DLG2: variants seen among roughly 807,000 people sequenced by gnomAD.
The protein encoded by DLG2 is disks large homolog 2.
DLG2 carries 45 observed loss-of-function variants against 132.5 expected under a neutral mutation model. The observed-to-expected ratio is 0.34, with a 90% CI of 0.27 to 0.44. The LOEUF (loss-of-function observed/expected upper bound fraction) is 0.44. DLG2 is among the 20% of genes least tolerant of loss of function. The pLI, the probability that DLG2 is intolerant of heterozygous loss-of-function variation, is 1.00. For missense variants in DLG2, 1,045 were observed against 1,196.9 expected (o/e 0.87, Z 1.87); for synonymous variants, 424 against 419.6 (o/e 1.01, Z -0.13).
chr11:85,167,816 G>T (rs745953616), intron 4 of DLG2, among the ~76,000 whole-genome samples: 7 of 152,018 alleles, frequency 4.6e-5, no homozygotes, highest in Non-Finnish European at 8.8e-5. Flanking sequence ...CTTAGCCATG[G>T]ACCTAGCAAT....
At chr11:85,490,965 A>C (rs947255162) in intron 3 of DLG2, among the ~76,000 whole-genome samples, 3 of 152,156 alleles carry the variant, frequency 2.0e-5, no homozygotes, top group African/African-American at 7.2e-5. Flanking sequence ...ACAAGGATAC[A>C]ACAAAAAAGA....
intron 7 of DLG2, among the ~76,000 whole-genome samples, chr11:84,421,510 G>A (rs1045272623): frequency 2.6e-5 from 4 of 152,052 alleles, no homozygotes; most frequent in African/African-American, 7.2e-5. Flanking sequence ...TACTGTAAAC[G>A]TCTCCTAAAG....
chr11:83,566,078 C>T (rs1593326257), intron 19 of DLG2, among the ~76,000 whole-genome samples: 1 of 152,144 alleles, frequency 6.6e-6, no homozygotes, highest in Non-Finnish European at 1.5e-5. Context: ...ATTTCTAGTA[C>T]AAAATGACTT....
At chr11:84,854,291 G>A (rs1405778394) in intron 6 of DLG2, among the ~76,000 whole-genome samples, 2 of 150,906 alleles carry the variant, frequency 1.3e-5, no homozygotes, top group Admixed American at 6.6e-5. Context: ...AAGTGTATCT[G>A]TGACCATGGA....
intron 9 of DLG2, among the ~76,000 whole-genome samples, chr11:84,147,157 C>T (rs76321873): frequency 0.021 from 3,184 of 152,114 alleles, 105 homozygotes; most frequent in African/African-American, 0.073. Flanking sequence ...TAAAGATTTT[C>T]CATGCTCCAG....
Position 83,459,862 on chromosome 11 carries a change from G to T in DLG2, c.2884C>A (p.Gln962Lys), listed in dbSNP as rs751414769. ...GGAATCCAGATGAAAGGCCCAGATT[G>T]CTCTTCAATAACAAGCTTGCATTGG... ...YNQCKLVIEE[Q>K]SGPFIWIPSK... The change falls in exon 28 of 28, where the codon CAA (glutamine) becomes AAA (lysine). Residue 962 changes from glutamine (Q) to lysine (K), a missense_variant. Gln to Lys is a moderately conservative substitution (Grantham distance 53). Transcript: ENST00000376104. The T allele has an allele frequency of 6.2e-7, 1 of 1,612,146 alleles. No homozygotes were observed. Among genetic ancestry groups the T allele is most frequent in the Non-Finnish European group, 8.5e-7 (1 of 1,178,256 alleles).
At chr11:83,837,216 T>C (rs1235610037) in intron 16 of DLG2, among the ~76,000 whole-genome samples, 1 of 152,138 alleles carries the variant, frequency 6.6e-6, no homozygotes, top group African/African-American at 2.4e-5. Flanking sequence ...AGCTTCTTGC[T>C]GGTTCCCATC....
chr11:85,079,163 ATTGT>A (rs1566804672), intron 6 of DLG2, among the ~76,000 whole-genome samples: 1 of 152,074 alleles, frequency 6.6e-6, no homozygotes, highest in African/African-American at 2.4e-5. Flanking sequence ...CTGATTGGCA[ATTGT>A]TTGAAAGAGT....
At chr11:85,215,152 A>G (rs2082498346) in intron 4 of DLG2, among the ~76,000 whole-genome samples, 1 of 152,222 alleles carries the variant, frequency 6.6e-6, no homozygotes, top group Admixed American at 6.5e-5. Flanking sequence ...ACACAAGTTC[A>G]TAATTTAAGC....
intron 14 of DLG2, among the ~76,000 whole-genome samples, chr11:83,940,811 C>T (rs548162885): frequency 6.6e-6 from 1 of 152,292 alleles, no homozygotes; most frequent in Admixed American, 6.5e-5. Flanking sequence ...CCTCAGTTTC[C>T]TCCCCTAACC....
intron 6 of DLG2, among the ~76,000 whole-genome samples, chr11:84,772,726 TA>T (rs2069647890): frequency 6.6e-6 from 1 of 151,888 alleles, no homozygotes; most frequent in South Asian, 2.1e-4. Flanking sequence ...AAGGCAGAAA[TA>T]AAAAAATTCT....
At chr11:84,110,719 T>A (rs554528988) in intron 9 of DLG2, among the ~76,000 whole-genome samples, 17 of 152,118 alleles carry the variant, frequency 1.1e-4, no homozygotes, top group African/African-American at 4.1e-4. Context: ...AGAGGAGCCA[T>A]TGGGGCAAAC....
intron 15 of DLG2, among the ~76,000 whole-genome samples, chr11:83,879,839 T>C (rs1318373555): frequency 6.6e-6 from 1 of 152,158 alleles, no homozygotes; most frequent in Non-Finnish European, 1.5e-5. Flanking sequence ...AAGAGAATGA[T>C]GAAAGCAAAT....
At chr11:85,425,688 C>T (rs995977858) in intron 3 of DLG2, among the ~76,000 whole-genome samples, 2 of 152,072 alleles carry the variant, frequency 1.3e-5, no homozygotes, top group African/African-American at 4.8e-5. Context: ...GGAACAGCTC[C>T]ACTCTACAGC....
chr11:84,928,508 G>A (rs1346584548), intron 6 of DLG2, among the ~76,000 whole-genome samples: 11 of 151,852 alleles, frequency 7.2e-5, no homozygotes, highest in African/African-American at 2.4e-5. Flanking sequence ...AGTGAAAAGA[G>A]AACTGAAATG....
intron 17 of DLG2, among the ~76,000 whole-genome samples, chr11:83,819,469 C>CAAA (rs398016925): frequency 0.014 from 375 of 26,778 alleles, no homozygotes; most frequent in Non-Finnish European, 0.017. Flanking sequence ...GACTCTATCT[C>CAAA]AAAAAAAAAA....
chr11:83,484,977 A>C (rs2093411806), intron 21 of DLG2, among the ~76,000 whole-genome samples: 1 of 152,154 alleles, frequency 6.6e-6, no homozygotes, highest in Non-Finnish European at 1.5e-5. Context: ...GTTGTGTCCT[A>C]TACTGCTATC....
intron 7 of DLG2, among the ~76,000 whole-genome samples, chr11:84,448,170 G>A (rs1385428150): frequency 6.6e-6 from 1 of 152,036 alleles, no homozygotes; most frequent in African/African-American, 2.4e-5. Context: ...GCTTTGGAAT[G>A]GGAACTTTCT....
chr11:83,898,962 G>C (rs895383023), intron 15 of DLG2, among the ~76,000 whole-genome samples: 3 of 152,118 alleles, frequency 2.0e-5, no homozygotes, highest in Non-Finnish European at 4.4e-5. Flanking sequence ...AAATATATGA[G>C]AGATTATTTC....
Sources: allele counts gnomAD v4.1 joint callset (sites outside exome capture counted in the v4.1 genomes callset), GRCh38; gene constraint gnomAD v4.1.1; transcripts MANE v1.5; gene names NCBI Gene and HGNC (gene_info 2026-07-23, HGNC 2026-07-21).